UTP20: variants seen among roughly 807,000 people sequenced by gnomAD.
UTP20 encodes the protein small subunit processome component 20 homolog.
In UTP20, 164 loss-of-function variants were observed where a neutral mutation model predicts 329.5. The observed-to-expected ratio is 0.50, with a 90% CI of 0.44 to 0.57. The LOEUF is 0.57. UTP20 is among the 20% of genes least tolerant of loss of function. UTP20 has a pLI of 0.00. For missense variants in UTP20, 3,055 were observed against 3,284.2 expected (o/e 0.93, Z 1.71); for synonymous variants, 1,151 against 1,159.3 (o/e 0.99, Z 0.14).
At chr12:101,358,729 T>G (rs1869808562) in intron 43 of UTP20, among the ~76,000 whole-genome samples, 1 of 152,244 alleles carries the variant, frequency 6.6e-6, no homozygotes, top group Non-Finnish European at 1.5e-5. Flanking sequence ...GCCTTTGTTT[T>G]CTTTTCTTTT....
intron 49 of UTP20, 143 bp downstream of exon 49, chr12:101,370,034 C>T (rs569048034): frequency 1.6e-5 from 11 of 685,486 alleles, no homozygotes; most frequent in South Asian, 5.1e-5. Context: ...GTCAGCATAA[C>T]GAGACCCCGT....
At position 101,345,614 on chromosome 12, in the gene UTP20, C is replaced by G. The variant is rs1393998877; in HGVS notation, c.4666C>G (p.Leu1556Val). 17 of 1,611,770 alleles carry G rather than the reference C, an allele frequency of 1.1e-5. No individual in the cohort carries two copies. The Admixed American group carries it at 2.8e-4, about 27-fold the overall frequency. Residue 1556 changes from leucine (L) to valine (V), a missense_variant, in exon 37 of 62, where the codon CTG becomes GTG. Leu to Val is a conservative substitution (Grantham distance 32, BLOSUM62 1). Around this residue, in one of 3 missense-constraint regions of UTP20, gnomAD observed 2,445 missense variants for 2,575.5 expected, o/e 0.95. Transcript: ENST00000261637. ...SCLIQTFPNQ[L>V]EFKDLVQLTH... ...TTTAATTCAAACCTTTCCAAACCAA[C>G]TGGAATTCAAAGACTTGGTACAACT...
intron 24 of UTP20, 130 bp downstream of exon 24, chr12:101,321,067 C>A: frequency 1.3e-6 from 1 of 746,906 alleles, no homozygotes; most frequent in Non-Finnish European, 2.1e-6. Context: ...CATCGTATTT[C>A]CAAGCAAGAA....
chr12:101,322,391 C>A (rs1868393928), intron 25 of UTP20, among the ~76,000 whole-genome samples: 1 of 152,106 alleles, frequency 6.6e-6, no homozygotes. Context: ...AGAAATATTT[C>A]ACTCTGTTTT....
At chr12:101,292,940 C>T (rs1872214749) in intron 10 of UTP20, among the ~76,000 whole-genome samples, 1 of 152,194 alleles carries the variant, frequency 6.6e-6, no homozygotes, top group South Asian at 2.1e-4. Flanking sequence ...GCTGTTTGCC[C>T]TTTCATAATT....
At chr12:101,368,867 G>T (rs1258809853) in intron 48 of UTP20, among the ~76,000 whole-genome samples, 1 of 151,776 alleles carries the variant, frequency 6.6e-6, no homozygotes, top group Non-Finnish European at 1.5e-5. Flanking sequence ...GTAAGCCAAG[G>T]TCTTTCCGAC....
chr12:101,306,100 C>G (rs377048626), intron 16 of UTP20, 35 bp downstream of exon 16: 27 of 1,575,872 alleles, frequency 1.7e-5, no homozygotes, highest in Non-Finnish European at 2.3e-5. Context: ...TCCTCAGTCT[C>G]TCTTCTCCTG....
chr12:101,377,636 T>A (rs772745728), intron 56 of UTP20, among the ~76,000 whole-genome samples: 5 of 151,912 alleles, frequency 3.3e-5, no homozygotes, highest in Admixed American at 6.6e-5. Context: ...AGCCTAAAAC[T>A]TTTTTTTCTT....
At chr12:101,374,104 G>A (rs867005635) in intron 54 of UTP20, among the ~76,000 whole-genome samples, 6 of 150,376 alleles carry the variant, frequency 4.0e-5, no homozygotes, top group African/African-American at 4.9e-5. Flanking sequence ...GCGTAGTGGC[G>A]GGCGCCTGTA....
At chr12:101,310,817 A>C (rs1002786137) in intron 19 of UTP20, among the ~76,000 whole-genome samples, 3 of 152,066 alleles carry the variant, frequency 2.0e-5, no homozygotes, top group African/African-American at 7.2e-5. Context: ...TACCTTTACT[A>C]CCCTTGTCTA....
At chr12:101,371,315 T>G (rs1870280397) in intron 51 of UTP20, 147 bp downstream of exon 51, 1 of 598,608 alleles carries the variant, frequency 1.7e-6, no homozygotes, top group East Asian at 3.2e-5. Context: ...GTGCAGGTGG[T>G]CAGGGGAGGC....
At chr12:101,372,795 A>G in intron 51 of UTP20, 89 bp from the exon 52 acceptor site, 1 of 1,045,184 alleles carries the variant, frequency 9.6e-7, no homozygotes, top group Non-Finnish European at 1.5e-6. Context: ...AGTTTTTATA[A>G]CCTACCAGTG....
chr12:101,361,022 G>T (rs1257483722), intron 43 of UTP20, among the ~76,000 whole-genome samples: 4 of 152,082 alleles, frequency 2.6e-5, no homozygotes, highest in Admixed American at 1.3e-4. Context: ...GTGGAGCCTG[G>T]GACTCTGGTT....
At chr12:101,296,019 C>G (rs536844804) in intron 12 of UTP20, among the ~76,000 whole-genome samples, 1 of 152,128 alleles carries the variant, frequency 6.6e-6, no homozygotes, top group Non-Finnish European at 1.5e-5. Context: ...AGAGAGGTTT[C>G]GTATACTCTT....
chr12:101,286,614 C>T, intron 5 of UTP20, 105 bp downstream of exon 5: 2 of 959,674 alleles, frequency 2.1e-6, no homozygotes, highest in Non-Finnish European at 2.9e-6. Context: ...TAATTGTTTC[C>T]ATGTACAAAG....
At position 101,363,138 on chromosome 12, in the gene UTP20, A is replaced by C. The variant is rs1392738361; in HGVS notation, c.5791-438A>C. Among the ~76,000 whole-genome samples, 5 of 149,216 alleles carry C rather than the reference A, an allele frequency of 3.4e-5. 2 individuals are homozygous for C. The East Asian group carries it at 1.0e-3, about 30-fold the overall frequency. On this transcript the variant is annotated intron_variant, in intron 44 of 61. Coordinates refer to ENST00000261637, the MANE Select transcript of UTP20 (RefSeq NM_014503.3). ...CCAGAGTGGGACTCTGTATCAAAAAATAAGGTAATTAATTAGACTAATAAT... is the reference window on the plus strand; with the variant it reads ...CCAGAGTGGGACTCTGTATCAAAAACTAAGGTAATTAATTAGACTAATAAT...
In UTP20 at chr12:101,319,641, T is replaced by C; in HGVS notation, c.2829+6T>C. 6.3e-7 allele frequency: 1 copy of C among 1,581,534 alleles called. No individual in the cohort carries two copies. ...TATATGAGTTATATCTTCAGGTCAG[T>C]AAAATAAACTCTTGGCATTATAATT... On this transcript the variant is annotated splice_donor_region_variant and intron_variant, in intron 23 of 61. Coordinates refer to ENST00000261637, the MANE Select transcript of UTP20 (RefSeq NM_014503.3).
chr12:101,342,608 T>G lies in UTP20; in HGVS notation c.4245+19T>G. On this transcript the variant is annotated intron_variant, in intron 33 of 61. Coordinates refer to ENST00000261637, the MANE Select transcript of UTP20 (RefSeq NM_014503.3). ...TTTTGAGGTCTGTACTATTCATTTT[T>G]ACTCCAAATCACCCTTTTAAAAAAA... The G allele has an allele frequency of 6.3e-7, 1 of 1,593,050 alleles. No individual in the cohort carries two copies. The highest frequency in any genetic ancestry group is 1.4e-5 in the African/African-American group (1 of 73,720).
At chr12:101,285,439 TA>T (rs1565783461) in intron 2 of UTP20, 130 bp from the exon 3 acceptor site, 1 of 987,722 alleles carries the variant, frequency 1.0e-6, no homozygotes, top group Non-Finnish European at 1.5e-6. Context: ...TGGCCTGTTT[TA>T]AAAAACTAAA....
Sources: allele counts gnomAD v4.1 joint callset (sites outside exome capture counted in the v4.1 genomes callset), GRCh38; gene constraint gnomAD v4.1.1; regional missense constraint gnomAD v4.1.1; transcripts MANE v1.5; gene names NCBI Gene and HGNC (gene_info 2026-07-23, HGNC 2026-07-21).